The following PPRC1 variants were observed in gnomAD, a reference collection of about 807,000 sequenced individuals.
The protein encoded by PPRC1 is peroxisome proliferator-activated receptor gamma coactivator-related protein 1.
PPRC1 carries 23 observed loss-of-function variants against 132.5 expected under a neutral mutation model. The observed-to-expected ratio is 0.17, with a 90% CI of 0.12 to 0.25. The LOEUF is 0.25. Among genes scored for constraint, PPRC1 ranks in the 10% least tolerant of loss-of-function variants. The pLI is 1.00. For synonymous variants in PPRC1, 872 were observed against 833.5 expected, an observed-to-expected ratio of 1.05 and a Z score of -0.80; for missense variants, 2,006 against 2,089.1, an observed-to-expected ratio of 0.96 and a Z score of 0.78.
In PPRC1 at chr10:102,146,799, G is replaced by C; in HGVS notation, c.3807G>C (p.Thr1269=). The C allele has an allele frequency of 1.2e-6, 2 of 1,614,064 alleles. No homozygotes were observed. The highest frequency in any genetic ancestry group is 4.5e-5 in the East Asian group (2 of 44,864). The change falls in exon 9 of 14, where the codon ACG becomes ACC. Residue 1269 remains threonine (T), a synonymous_variant. Coordinates refer to ENST00000278070, the MANE Select transcript of PPRC1 (RefSeq NM_015062.5). ...QEGTLKPEGV[T]EAKHPAAVRL... is the part of the protein sequence containing the mutation. ...GAACCCTGAAGCCTGAAGGAGTTAC[G>C]GAGGCCAAACATCCAGCTGCAGTTC...
rs1009009944 is a variant in PPRC1, at chr10:102,140,746, C to T, written c.2238C>T (p.Ala746=). Reference sequence around the variant, plus strand: ...GTACCAGTGCTACAACCCATGAAGCCAGACCTCGGCCTCTCAGCTTATCTG... The same window carrying T: ...GTACCAGTGCTACAACCCATGAAGCTAGACCTCGGCCTCTCAGCTTATCTG... The part of the protein sequence containing the change: ...ESGTSATTHE[A]RPRPLSLSEY... The change falls in exon 5 of 14, where the codon GCC becomes GCT. Residue 746 remains alanine, a synonymous_variant. Transcript: ENST00000278070. 4 of 1,613,998 alleles carry T rather than the reference C, an allele frequency of 2.5e-6. No homozygotes were observed. The highest frequency in any genetic ancestry group is 3.4e-6 in the Non-Finnish European group (4 of 1,180,012).
rs2069279913 is a variant in PPRC1 at position 102,147,023 on chromosome 10, C to G, written c.4031C>G (p.Pro1344Arg). Residue 1344 changes from proline (P) to arginine (R), a missense_variant, in exon 9 of 14, where the codon CCC (proline) becomes CGC (arginine). By Grantham distance (103) the Pro-to-Arg change is moderately radical (BLOSUM62 -2). Around this residue, in one of 2 missense-constraint regions of PPRC1, gnomAD observed 1,914 missense variants for 1,917.2 expected, o/e 1.00. Transcript: ENST00000278070. ...TCCTTGGGCCCAGCTGCCCCTCCGC[C>G]CCCATGCATAGCTGCCTCCCGGGAG... ...VLSLGPAAPPPPCIAASREPL... is the reference protein window; with the variant it reads ...VLSLGPAAPPRPCIAASREPL... 1 of 1,614,072 alleles carries G rather than the reference C, an allele frequency of 6.2e-7. No individual in the cohort carries two copies. Among genetic ancestry groups the G allele is most frequent in the African/African-American group, 1.3e-5 (1 of 74,928 alleles).
the PPRC1 span, among the ~76,000 whole-genome samples, chr10:102,125,725 CCT>C: frequency 1.8e-4 from 28 of 152,222 alleles, no homozygotes; most frequent in East Asian, 4.8e-3. Context: ...AGGTAAGCCC[CCT>C]GTTTGTCCCA....
At chr10:102,130,781 ACTGGCTGACAC>A (rs1203435047), upstream of PPRC1, among the ~76,000 whole-genome samples, 3 of 152,146 alleles carry the variant, frequency 2.0e-5, no homozygotes, top group Non-Finnish European at 2.9e-5. Flanking sequence ...AGCCAGGCAC[ACTGGCTGACAC>A]CTGTAATCCC....
intron 7 of PPRC1, 60 bp from the exon 8 acceptor site, chr10:102,144,960 C>A: frequency 7.2e-7 from 1 of 1,390,848 alleles, no homozygotes; most frequent in East Asian, 2.3e-5. Flanking sequence ...CTGAGAAAGG[C>A]AAATGTATAA....
Position 102,150,112 on chromosome 10 carries a change from A to G in PPRC1, c.*83A>G. On this transcript the variant is annotated 3_prime_UTR_variant, in exon 14 of 14. Transcript: ENST00000278070. ...CCCCTTCCCCTACTCTAGGGGAGAG[A>G]GCTGCTAGTGAGATGACTGTTTTAT... 7.3e-5 allele frequency: 68 copies of G among 935,874 alleles called. No homozygotes were observed. Among genetic ancestry groups the G allele is most frequent in the Non-Finnish European group, 1.1e-4 (63 of 584,770 alleles). The allele number at this position is 935,874 out of a possible 1,614,324, so 58.0% of individuals were successfully genotyped here.
At position 102,149,936 on chromosome 10, in the gene PPRC1, G is replaced by C; in HGVS notation, c.4902G>C (p.Arg1634=). 6.2e-7 allele frequency: 1 copy of C among 1,611,200 alleles called. No homozygotes were observed. The highest frequency in any genetic ancestry group is 8.5e-7 in the Non-Finnish European group (1 of 1,177,400). The part of the protein sequence containing the change: ...KRSYSDLDSN[R]EDFDPAPVKS... The stretch of plus-strand genomic sequence containing the variant: ...TCTTTACCTTTATAGACTCCAACCG[G>C]GAAGACTTTGACCCAGCACCTGTAA... The change falls in exon 14 of 14, where the codon CGG becomes CGC. Residue 1634 remains arginine, a synonymous_variant. Coordinates refer to ENST00000278070, the MANE Select transcript of PPRC1 (RefSeq NM_015062.5).
Position 102,139,802 on chromosome 10 carries a change from G to A in PPRC1, c.1294G>A (p.Glu432Lys). The A allele has an allele frequency of 6.2e-7, 1 of 1,614,208 alleles. No homozygotes were observed. Among genetic ancestry groups the A allele is most frequent in the South Asian group, 1.1e-5 (1 of 91,084 alleles). The change falls in exon 5 of 14, where the codon GAG becomes AAG. Residue 432 changes from glutamate to lysine, a missense_variant. Physicochemically the swap from Glu to Lys is moderately conservative, Grantham distance 56. This residue lies in a region of PPRC1 where 1,914 missense variants were observed against 1,917.2 expected (regional missense o/e 1.00). Coordinates refer to ENST00000278070, the MANE Select transcript of PPRC1 (RefSeq NM_015062.5). ...LDSACLLKPREVVEPVVPKEP... is the reference protein window; with the variant it reads ...LDSACLLKPRKVVEPVVPKEP... ...CTCAGCCTGCTTATTGAAGCCCAGG[G>A]AGGTCGTGGAGCCGGTGGTGCCCAA...
intron 8 of PPRC1, 39 bp from the exon 9 acceptor site, chr10:102,146,633 A>G: frequency 6.4e-7 from 1 of 1,565,244 alleles, no homozygotes; most frequent in South Asian, 1.2e-5. Context: ...GTAGAATCGG[A>G]TCTCATCCTG....
chr10:102,120,025 G>A, the PPRC1 span: 5 of 1,313,964 alleles, frequency 3.8e-6, no homozygotes, highest in South Asian at 1.5e-5. Context: ...CAAACACGGG[G>A]TGAGGGGTCC....
In PPRC1 at chr10:102,137,832, C is replaced by T. The variant is rs778862664; in HGVS notation, c.154-18C>T. 17 of 1,610,922 alleles carry T rather than the reference C, an allele frequency of 1.1e-5. No homozygotes were observed. The East Asian group carries it at 3.6e-4, about 34-fold the overall frequency. ...TGCCAGAGAGCTCATACCCTTCTCA[C>T]CTTCTTCTCTGCTCCAGGTGCTGCT... On this transcript the variant is annotated intron_variant, in intron 1 of 13. Transcript: ENST00000278070.
chr10:102,143,314 A>G (rs2069078129), intron 6 of PPRC1, among the ~76,000 whole-genome samples: 3 of 152,130 alleles, frequency 2.0e-5, no homozygotes, highest in Admixed American at 2.0e-4. Flanking sequence ...TAGACTGGGA[A>G]TCCAGGCCAG....
In PPRC1 at chr10:102,140,262, T is replaced by G; in HGVS notation, c.1754T>G (p.Met585Arg). 3 of 1,614,202 alleles carry G rather than the reference T, an allele frequency of 1.9e-6. No homozygotes were observed. Among genetic ancestry groups the G allele is most frequent in the Non-Finnish European group, 2.5e-6 (3 of 1,180,030 alleles). Residue 585 changes from methionine (M) to arginine (R), a missense_variant, in exon 5 of 14, where the codon ATG becomes AGG. Physicochemically the swap from Met to Arg is moderately conservative, Grantham distance 91. Around this residue, in one of 2 missense-constraint regions of PPRC1, gnomAD observed 1,914 missense variants for 1,917.2 expected, o/e 1.00. Coordinates refer to ENST00000278070, the MANE Select transcript of PPRC1 (RefSeq NM_015062.5). ...GTCGACTCTGCCCAAGCCAGCCCCA[T>G]GCCAGTTGACTCTGTTGAAGCTGAT... ...SLVDSAQASPMPVDSVEADPT... is the reference protein window; with the variant it reads ...SLVDSAQASPRPVDSVEADPT...
At chr10:102,132,808 G>C (rs2068569339), upstream of PPRC1, among the ~76,000 whole-genome samples, 1 of 152,216 alleles carries the variant, frequency 6.6e-6, no homozygotes, top group African/African-American at 2.4e-5. Flanking sequence ...CCCTAAATCG[G>C]TATCCCAGTG....
chr10:102,133,310 G>A (rs902296468), intron 1 of PPRC1, 89 bp downstream of exon 1: 26 of 1,135,610 alleles, frequency 2.3e-5, no homozygotes, highest in Admixed American at 8.5e-5. Flanking sequence ...GAGAGGAAGC[G>A]CCTGAGAGTC....
chr10:102,148,755 A>G lies in PPRC1; in HGVS notation c.4617+61A>G. 1.2e-6 allele frequency: 2 copies of G among 1,614,078 alleles called. No homozygotes were observed. Among genetic ancestry groups the G allele is most frequent in the Non-Finnish European group, 1.7e-6 (2 of 1,179,922 alleles). Reference sequence around the variant, plus strand: ...TACCCCCTGAGCCTTGAGCTCAGAGAGCTGCCTGCAGCTGTAGCCCTGGCT... The same window carrying G: ...TACCCCCTGAGCCTTGAGCTCAGAGGGCTGCCTGCAGCTGTAGCCCTGGCT... On this transcript the variant is annotated intron_variant, in intron 11 of 13. Transcript: ENST00000278070. This position sits in a 1 kb window ranked among gnomAD's most constrained non-coding sequence, Gnocchi z 4.2.
At chr10:102,144,378 C>T in intron 7 of PPRC1, 71 bp downstream of exon 7, 1 of 1,430,312 alleles carries the variant, frequency 7.0e-7, no homozygotes. Context: ...CCAGGACTGT[C>T]AACTGGATGC....
rs2069066493 is a variant in PPRC1, at chr10:102,143,056, T to C, written c.3508T>C (p.Ser1170Pro). ...AFISEIGIEASDLSSLLEQFE... is the reference protein window; with the variant it reads ...AFISEIGIEAPDLSSLLEQFE... The stretch of plus-strand genomic sequence containing the variant: ...GTGTGCCTCCACAGGAATTGAGGCA[T>C]CGGACCTGTCCAGTCTGCTGGAGCA... Residue 1170 changes from serine to proline, a missense_variant, in exon 6 of 14, where the codon TCG becomes CCG. Physicochemically the swap from Ser to Pro is moderately conservative, Grantham distance 74. Coordinates refer to ENST00000278070, the MANE Select transcript of PPRC1 (RefSeq NM_015062.5). 1 of 1,613,422 alleles carries C rather than the reference T, an allele frequency of 6.2e-7. No homozygotes were observed. The highest frequency in any genetic ancestry group is 8.5e-7 in the Non-Finnish European group (1 of 1,179,540).
Position 102,147,329 on chromosome 10 carries a change from C to T in PPRC1, c.4337C>T (p.Ser1446Leu). 6.2e-7 allele frequency: 1 copy of T among 1,611,948 alleles called. No homozygotes were observed. ...RTSEASSSSSSSSSSSRSRSR... is the reference protein window; with the variant it reads ...RTSEASSSSSLSSSSSRSRSR... ...AGCGAAGCATCTTCCTCATCCTCAT[C>T]ATCGTCTTCCTCATCCCGATCTCGG... The change falls in exon 9 of 14, where the codon TCA becomes TTA. Residue 1446 changes from serine (S) to leucine (L), a missense_variant. By Grantham distance (145) the Ser-to-Leu change is moderately radical. Transcript: ENST00000278070.
Sources: gnomAD v4.1 joint callset for allele counts (sites outside exome capture counted in the v4.1 genomes callset) on GRCh38, gnomAD v4.1.1 for gene constraint, gnomAD v4.1.1 regional missense constraint, Gnocchi (gnomAD v3.1) non-coding constraint, MANE v1.5 for transcripts, NCBI Gene and HGNC (gene_info 2026-07-23, HGNC 2026-07-21) for gene names.